Variants in TLK1 observed in about 807,000 individuals in gnomAD.
The protein encoded by TLK1 is serine/threonine-protein kinase tousled-like 1.
TLK1 carries 24 observed loss-of-function variants against 105.3 expected under a neutral mutation model. That is an observed-to-expected ratio of 0.23 (90% confidence interval 0.17 to 0.32). TLK1 has a LOEUF of 0.32. TLK1 is among the 10% of genes least tolerant of loss of function. The probability of loss-of-function intolerance (pLI) is 1.00; values close to 1 mark genes in which losing one functional copy is unlikely to be tolerated. For missense variants in TLK1, 558 were observed against 910.5 expected (o/e 0.61, Z 4.98); for synonymous variants, 321 against 310.4 (o/e 1.03, Z -0.36).
At chr2:171,156,269 A>AAGG (rs1385974657) in intron 1 of TLK1, among the ~76,000 whole-genome samples, 1 of 152,230 alleles carries the variant, frequency 6.6e-6, no homozygotes, top group Admixed American at 6.5e-5. Context: ...GTAAGCCAGA[A>AAGG]ATCAAGGTGA....
chr2:171,200,492 A>G (rs762841378), intron 1 of TLK1, among the ~76,000 whole-genome samples: 3 of 152,204 alleles, frequency 2.0e-5, no homozygotes, highest in Non-Finnish European at 4.4e-5. Context: ...GGGATCCATT[A>G]AGGTAGGCCT....
At position 171,080,544 on chromosome 2, in the gene TLK1, A is replaced by AAATAATAATAATAATAATAAT. The variant is rs71008747; in HGVS notation, c.330+2216_330+2236dup. 1.8e-3 allele frequency among the ~76,000 whole-genome samples: 258 copies of AAATAATAATAATAATAATAAT among 145,028 alleles called. 1 individual carries two copies. Among genetic ancestry groups the AAATAATAATAATAATAATAAT allele is most frequent in the African/African-American group, 5.4e-3 (213 of 39,592 alleles). ...ACTCCTTAAATGGAAAGATACACTA[A>AAATAATAATAATAATAATAAT]AATAATAATAATAATAATAATAATA... is the stretch of plus-strand genomic sequence containing the variant. On this transcript the variant is annotated intron_variant, in intron 3 of 20. Coordinates refer to ENST00000431350, the MANE Select transcript of TLK1 (RefSeq NM_012290.5).
At chr2:171,073,627 A>T (rs752756797) in intron 3 of TLK1, among the ~76,000 whole-genome samples, 1 of 152,184 alleles carries the variant, frequency 6.6e-6, no homozygotes, top group African/African-American at 2.4e-5. Context: ...ATATTCAAGC[A>T]GGACTCACTT....
intron 1 of TLK1, among the ~76,000 whole-genome samples, chr2:171,211,550 G>A (rs1693612370): frequency 7.2e-6 from 1 of 139,350 alleles, no homozygotes; most frequent in South Asian, 2.6e-4. Flanking sequence ...TGAGTTAAAT[G>A]GATGCTTTTT....
intron 1 of TLK1, among the ~76,000 whole-genome samples, chr2:171,139,257 A>C (rs1356040710): frequency 6.6e-6 from 1 of 151,922 alleles, no homozygotes; most frequent in Admixed American, 6.6e-5. Context: ...ATTTGAATCC[A>C]AACTTAACTT....
intron 12 of TLK1, among the ~76,000 whole-genome samples, chr2:171,026,160 G>T (rs527928765): frequency 1.3e-5 from 2 of 152,244 alleles, no homozygotes; most frequent in South Asian, 4.1e-4. Context: ...GCAGGAAAAA[G>T]ATTATGGAAG....
intron 1 of TLK1, among the ~76,000 whole-genome samples, chr2:171,181,492 A>T (rs975152529): frequency 2.6e-5 from 4 of 152,190 alleles, no homozygotes; most frequent in South Asian, 2.1e-4. Flanking sequence ...TAATTTATAA[A>T]GAAAAGGTTT....
At chr2:171,079,114 G>A (rs1319979152) in intron 3 of TLK1, among the ~76,000 whole-genome samples, 1 of 152,222 alleles carries the variant, frequency 6.6e-6, no homozygotes, top group African/African-American at 2.4e-5. Context: ...AAGAGCAGTA[G>A]TGGCTGAGAA....
intron 1 of TLK1, among the ~76,000 whole-genome samples, chr2:171,220,966 G>A (rs1384416894): frequency 6.6e-6 from 1 of 152,058 alleles, no homozygotes; most frequent in Non-Finnish European, 1.5e-5. Context: ...TGGGAGGATC[G>A]CTTGAGCCCA....
intron 12 of TLK1, chr2:171,023,074 C>T: frequency 2.1e-6 from 1 of 471,062 alleles, no homozygotes; most frequent in Non-Finnish European, 4.4e-6. Context: ...TTGCAGGTGC[C>T]AATATCGGTC....
At chr2:171,063,548 G>C (rs533925245) in intron 3 of TLK1, among the ~76,000 whole-genome samples, 1 of 151,938 alleles carries the variant, frequency 6.6e-6, no homozygotes, top group Non-Finnish European at 1.5e-5. Flanking sequence ...CTCTTGAACA[G>C]GCAAAAATAG....
Position 171,076,735 on chromosome 2 carries a change from TAAA to T in TLK1, c.330+6043_330+6045del, listed in dbSNP as rs35081277. On this transcript the variant is annotated intron_variant, in intron 3 of 20. Transcript: ENST00000431350. ...TAACACGGTGAAACTCCATCTCTAC[TAAA>T]AAAAAAAAAAAAAAAATACAAAAAA... 2.7e-3 allele frequency among the ~76,000 whole-genome samples: 342 copies of T among 125,042 alleles called. 2 individuals are homozygous for T. Among genetic ancestry groups the T allele is most frequent in the African/African-American group, 7.5e-3 (257 of 34,132 alleles). The allele number at this position is 125,042 out of a possible 152,430, so 82.0% of individuals were successfully genotyped here.
intron 1 of TLK1, among the ~76,000 whole-genome samples, chr2:171,147,002 A>C (rs1367254306): frequency 6.6e-6 from 1 of 152,208 alleles, no homozygotes; most frequent in Non-Finnish European, 1.5e-5. Flanking sequence ...CTAGCAACCA[A>C]ATGACCAATG....
intron 3 of TLK1, among the ~76,000 whole-genome samples, chr2:171,074,640 A>G (rs950915369): frequency 6.6e-6 from 1 of 151,672 alleles, no homozygotes; most frequent in Non-Finnish European, 1.5e-5. Flanking sequence ...AAAAAAAAAA[A>G]AAAAAGAAAG....
chr2:171,091,012 A>G (rs10930458), intron 2 of TLK1, among the ~76,000 whole-genome samples: 150,457 of 152,340 alleles, frequency 0.99, 74,334 homozygotes, highest in East Asian at 1. Flanking sequence ...AACTTCTATT[A>G]GACAGAGTTG....
intron 1 of TLK1, among the ~76,000 whole-genome samples, chr2:171,222,165 T>C (rs1283934765): frequency 2.0e-5 from 3 of 152,206 alleles, no homozygotes; most frequent in Admixed American, 6.5e-5. Flanking sequence ...TATAAAATGC[T>C]GTAGACTCCC....
chr2:171,149,099 CTT>C (rs11335300), intron 1 of TLK1, among the ~76,000 whole-genome samples: 4,560 of 57,988 alleles, frequency 0.079, 97 homozygotes, highest in African/African-American at 0.11. Context: ...AATTACTTTT[CTT>C]TTTTTTTTTT....
chr2:171,113,776 C>CCCTAGATGGATTA (rs1462473241), intron 2 of TLK1, among the ~76,000 whole-genome samples: 1 of 152,018 alleles, frequency 6.6e-6, no homozygotes, highest in Non-Finnish European at 1.5e-5. Flanking sequence ...GATTAAAGAG[C>CCCTAGATGGATTA]AAGTATGATA....
chr2:171,093,159 T>C (rs184341925), intron 2 of TLK1, among the ~76,000 whole-genome samples: 3 of 152,312 alleles, frequency 2.0e-5, no homozygotes, highest in East Asian at 1.9e-4. Flanking sequence ...TCCCCCAAAA[T>C]TGAGGACATA....
Sources: allele counts gnomAD v4.1 joint callset (sites outside exome capture counted in the v4.1 genomes callset), GRCh38; gene constraint gnomAD v4.1.1; transcripts MANE v1.5; gene names NCBI Gene and HGNC (gene_info 2026-07-23, HGNC 2026-07-21).